GRID2: variants seen among roughly 807,000 people sequenced by gnomAD.
GRID2 encodes glutamate receptor ionotropic, delta-2.
Under a neutral mutation model 114.8 loss-of-function variants are expected in GRID2, and 33 were observed. That is an observed-to-expected ratio of 0.29 (90% CI 0.22 to 0.38). GRID2 has a LOEUF of 0.38. Ranked by LOEUF, GRID2 falls within the 10% of genes least tolerant of loss-of-function variation. GRID2 has a pLI of 1.00. For synonymous variants in GRID2, 505 were observed against 449.9 expected (o/e 1.12, Z -1.55); for missense variants, 1,184 against 1,257.7 (o/e 0.94, Z 0.89).
At chr4:93,607,202 A>ATTT (rs1740338328) in intron 13 of GRID2, among the ~76,000 whole-genome samples, 1 of 152,056 alleles carries the variant, frequency 6.6e-6, no homozygotes, top group African/African-American at 2.4e-5. Flanking sequence ...ATTATTCCAT[A>ATTT]TTTTTCTCTA....
intron 2 of GRID2, among the ~76,000 whole-genome samples, chr4:92,943,072 A>G (rs986381342): frequency 5.3e-5 from 8 of 152,216 alleles, no homozygotes; most frequent in Admixed American, 5.2e-4. Flanking sequence ...CTCGAGGAGT[A>G]TCTTTGTGGT....
chr4:92,855,328 G>A (rs1045338335), intron 2 of GRID2, among the ~76,000 whole-genome samples: 4 of 151,920 alleles, frequency 2.6e-5, no homozygotes, highest in Admixed American at 6.6e-5. Context: ...TATGGTACCT[G>A]TCTTTACCTT....
At chr4:93,126,599 T>C (rs1734286942) in intron 4 of GRID2, among the ~76,000 whole-genome samples, 3 of 121,574 alleles carry the variant, frequency 2.5e-5, no homozygotes, top group Non-Finnish European at 3.4e-5. Flanking sequence ...TTTTTTTTTT[T>C]TTTTTTTTTT....
intron 10 of GRID2, among the ~76,000 whole-genome samples, chr4:93,449,791 T>A (rs925001578): frequency 1.3e-5 from 2 of 152,002 alleles, no homozygotes; most frequent in African/African-American, 4.8e-5. Context: ...TTACTAGTAA[T>A]GTGAATGAAG....
In GRID2 at chr4:93,774,513, TATAATTTGTCTAA is replaced by T. The variant is rs1370205356; in HGVS notation, c.*2029_*2041del. The T allele has an allele frequency of 1.3e-5, 2 of 152,176 alleles. No homozygotes were observed. Among genetic ancestry groups the T allele is most frequent in the African/African-American group, 4.8e-5 (2 of 41,470 alleles). The allele number at this position is 152,176 out of a possible 1,614,324, so 9.4% of individuals were successfully genotyped here. A position where few individuals can be genotyped will look rare whatever the true frequency, so the allele number is the denominator to read the frequency against. ...GTTATGAGTGACAGAGCTTTCTGTG[TATAATTTGTCTAA>T]ATAATTTGTCTAATAAAAATGTTTT... On this transcript the variant is annotated 3_prime_UTR_variant, in exon 16 of 16. Coordinates refer to ENST00000282020, the MANE Select transcript of GRID2 (RefSeq NM_001510.4).
At chr4:93,535,231 T>TACACACACACACACAC (rs141785727) in intron 13 of GRID2, among the ~76,000 whole-genome samples, 2 of 142,186 alleles carry the variant, frequency 1.4e-5, no homozygotes, top group Non-Finnish European at 3.1e-5. Context: ...CACATACACA[T>TACACACACACACACAC]ACACACACAC....
intron 2 of GRID2, among the ~76,000 whole-genome samples, chr4:92,890,008 A>G (rs1746642662): frequency 6.6e-6 from 1 of 152,212 alleles, no homozygotes; most frequent in African/African-American, 2.4e-5. Flanking sequence ...AAAAATAGGC[A>G]ATGGAGAAAG....
At chr4:92,819,398 A>G (rs1741121472) in intron 2 of GRID2, among the ~76,000 whole-genome samples, 3 of 152,110 alleles carry the variant, frequency 2.0e-5, no homozygotes, top group Admixed American at 2.0e-4. Flanking sequence ...ACTAAAATGA[A>G]GGGCACATGT....
chr4:92,989,540 A>G (rs1284036910), intron 2 of GRID2, among the ~76,000 whole-genome samples: 5 of 152,020 alleles, frequency 3.3e-5, no homozygotes, highest in South Asian at 2.1e-4. Context: ...AAAAGGTACG[A>G]TAGGTTTTAA....
chr4:92,856,897 A>T lies in GRID2; in HGVS notation c.245-228098A>T, dbSNP rs149019927. Among the ~76,000 whole-genome samples, 1,295 of 152,256 alleles carry T rather than the reference A, an allele frequency of 8.5e-3. 11 individuals are homozygous for T. The highest frequency in any genetic ancestry group is 0.013 in the Non-Finnish European group (882 of 68,000). Reference sequence around the variant, plus strand: ...CAACCCTGCAGTGAGCAAGTCTGTCAGTACGTTTTAACAATGAACACGTGC... The same window carrying T: ...CAACCCTGCAGTGAGCAAGTCTGTCTGTACGTTTTAACAATGAACACGTGC... On this transcript the variant is annotated intron_variant, in intron 2 of 15. Transcript: ENST00000282020.
intron 2 of GRID2, among the ~76,000 whole-genome samples, chr4:92,784,364 T>C (rs148382462): frequency 5.3e-5 from 8 of 152,106 alleles, no homozygotes; most frequent in Admixed American, 1.3e-4. Context: ...CTGAGAATGA[T>C]TGTTAAAATT....
At position 93,741,192 on chromosome 4, in the gene GRID2, T is replaced by TATATATAC. The variant is rs1553994866; in HGVS notation, c.2361-28011_2361-28010insCATATATA. 3.0e-4 allele frequency among the ~76,000 whole-genome samples: 9 copies of TATATATAC among 29,884 alleles called. 1 individual carries two copies. The highest frequency in any genetic ancestry group is 2.5e-4 in the Non-Finnish European group (4 of 16,248). 19.6% of individuals were successfully genotyped at this position (29,884 alleles called of 152,430 possible). ...ATATATACATATATATATATATATA[T>TATATATAC]ATATATATGTATATATATATATATT... On this transcript the variant is annotated intron_variant, in intron 14 of 15. Coordinates refer to ENST00000282020, the MANE Select transcript of GRID2 (RefSeq NM_001510.4).
chr4:93,788,942 A>G (rs181727827), intron 1 of GRID2, among the ~76,000 whole-genome samples: 1 of 152,330 alleles, frequency 6.6e-6, no homozygotes, highest in East Asian at 1.9e-4. Flanking sequence ...AGGAGTCCTG[A>G]AGCAAACTAC....
chr4:93,248,091 AC>A (rs1748406098), intron 8 of GRID2, among the ~76,000 whole-genome samples: 1 of 151,538 alleles, frequency 6.6e-6, no homozygotes, highest in South Asian at 2.1e-4. Flanking sequence ...ACAGATACAC[AC>A]ACACACACAC....
At chr4:93,452,351 G>GA (rs11450847) in intron 10 of GRID2, among the ~76,000 whole-genome samples, 6,047 of 152,172 alleles carry the variant, frequency 0.04, 213 homozygotes, top group African/African-American at 0.097. Flanking sequence ...ACAATATGGG[G>GA]AAAAAGAGTT....
intron 3 of GRID2, among the ~76,000 whole-genome samples, chr4:93,103,245 C>G (rs1731870672): frequency 6.6e-6 from 1 of 152,060 alleles, no homozygotes; most frequent in Admixed American, 6.5e-5. Context: ...TTCGCTGAGA[C>G]TGCATCGTAG....
intron 8 of GRID2, among the ~76,000 whole-genome samples, chr4:93,374,860 G>C (rs1309473847): frequency 2.0e-5 from 3 of 152,134 alleles, no homozygotes; most frequent in Non-Finnish European, 4.4e-5. Context: ...TTATTTTCCA[G>C]TAAATTTTAC....
chr4:93,148,044 A>G (rs1043659179), intron 4 of GRID2, among the ~76,000 whole-genome samples: 1 of 152,190 alleles, frequency 6.6e-6, no homozygotes, highest in African/African-American at 2.4e-5. Context: ...TGTTACCTGA[A>G]TGAATAAGTG....
At chr4:93,199,582 G>A (rs1349921465) in intron 4 of GRID2, among the ~76,000 whole-genome samples, 2 of 152,204 alleles carry the variant, frequency 1.3e-5, no homozygotes, top group Admixed American at 6.5e-5. Context: ...AAGTGTATTT[G>A]TGGTCTTCCA....
Sources: allele counts gnomAD v4.1 joint callset (sites outside exome capture counted in the v4.1 genomes callset), GRCh38; gene constraint gnomAD v4.1.1; transcripts MANE v1.5; gene names NCBI Gene and HGNC (gene_info 2026-07-23, HGNC 2026-07-21).